The following LINGO3 variants were observed in gnomAD, a reference collection of about 807,000 sequenced individuals.
The protein encoded by LINGO3 is leucine rich repeat and Ig domain containing 3, also known as leucine-rich repeat and immunoglobulin-like domain-containing nogo receptor-interacting protein 3.
For synonymous variants in LINGO3, 427 were observed against 444.2 expected, an observed-to-expected ratio of 0.96 and a Z score of 0.49; for missense variants, 750 against 867.7, an observed-to-expected ratio of 0.86 and a Z score of 1.70.
downstream of LINGO3, among the ~76,000 whole-genome samples, chr19:2,289,447 GGT>G (rs2025495662): frequency 6.6e-6 from 1 of 151,998 alleles, no homozygotes; most frequent in African/African-American, 2.4e-5. Context: ...TTGGGTTCCA[GGT>G]GTGAGTGTGT....
chr19:2,304,202 G>T, the LINGO3 span, among the ~76,000 whole-genome samples: 3 of 152,164 alleles, frequency 2.0e-5, no homozygotes, highest in Admixed American at 1.3e-4. Context: ...TGTGTGCCAG[G>T]CACTGGTTTT....
chr19:2,288,637 A>C (rs2025487160), downstream of LINGO3, among the ~76,000 whole-genome samples: 1 of 152,080 alleles, frequency 6.6e-6, no homozygotes, highest in Non-Finnish European at 1.5e-5. This position sits in a 1 kb window ranked among gnomAD's most constrained non-coding sequence, Gnocchi z 6.5. Context: ...GGCTGGGGTG[A>C]TGGCTCCTTC....
the LINGO3 span, among the ~76,000 whole-genome samples, chr19:2,308,059 C>G: frequency 1.3e-5 from 2 of 150,352 alleles, no homozygotes; most frequent in Admixed American, 6.6e-5. Flanking sequence ...ACGCCGGGCC[C>G]CGGCACGGCC....
chr19:2,289,909 G>T, exon 1 of LINGO3: 1 of 1,120,132 alleles, frequency 8.9e-7, no homozygotes, highest in Non-Finnish European at 1.2e-6. Flanking sequence ...CCGTGCAGCC[G>T]TCCCCTTCCC....
the LINGO3 span, among the ~76,000 whole-genome samples, chr19:2,303,097 C>T: frequency 6.6e-6 from 1 of 152,210 alleles, no homozygotes. Context: ...CCATCACCCC[C>T]AAAAGGAAGC....
At chr19:2,291,755 G>T in exon 1 of LINGO3, 1 of 1,377,274 alleles carries the variant, frequency 7.3e-7, no homozygotes, top group South Asian at 1.6e-5. Context: ...GGCAGGCTCA[G>T]GACGCACAGC....
At chr19:2,291,402 C>T in exon 1 of LINGO3, 2 of 1,613,546 alleles carry the variant, frequency 1.2e-6, no homozygotes, top group Non-Finnish European at 1.7e-6. Context: ...TGAGGTTGTC[C>T]AGGCGCGTGA....
At chr19:2,308,123 G>C in the LINGO3 span, among the ~76,000 whole-genome samples, 1 of 140,010 alleles carries the variant, frequency 7.1e-6, no homozygotes, top group African/African-American at 2.7e-5. Flanking sequence ...CGCGGGGGCC[G>C]CCCGGAGCCG....
chr19:2,298,223 AATTT>A, the LINGO3 span, among the ~76,000 whole-genome samples: 4 of 151,468 alleles, frequency 2.6e-5, no homozygotes, highest in East Asian at 3.9e-4. Flanking sequence ...TTTAAGTTGG[AATTT>A]ATTTATTTAT....
chr19:2,293,374 T>G (rs1416909927), upstream of LINGO3, among the ~76,000 whole-genome samples: 2 of 142,690 alleles, frequency 1.4e-5, no homozygotes, highest in Non-Finnish European at 3.1e-5. Flanking sequence ...TTTTTTTTTT[T>G]TTGGAGACAG....
the LINGO3 span, among the ~76,000 whole-genome samples, chr19:2,305,736 C>T: frequency 6.6e-6 from 1 of 152,194 alleles, no homozygotes; most frequent in African/African-American, 2.4e-5. Flanking sequence ...CATCTCCCTC[C>T]CTCTGCCCCC....
the LINGO3 span, among the ~76,000 whole-genome samples, chr19:2,306,612 C>T: frequency 6.6e-6 from 1 of 152,330 alleles, no homozygotes; most frequent in Non-Finnish European, 1.5e-5. Flanking sequence ...TTTATGGTGG[C>T]ACCACACTGC....
exon 1 of LINGO3, chr19:2,291,153 C>G (rs1309682131): frequency 1.4e-5 from 22 of 1,606,936 alleles, no homozygotes; most frequent in Non-Finnish European, 1.8e-5. Flanking sequence ...AGGCGATGGC[C>G]AGGTGGCGCA....
At chr19:2,307,444 G>A in the LINGO3 span, among the ~76,000 whole-genome samples, 5 of 152,162 alleles carry the variant, frequency 3.3e-5, no homozygotes, top group East Asian at 7.7e-4. Flanking sequence ...GGCCTCCCCT[G>A]GCCAGGCCCC....
chr19:2,297,301 C>CA, the LINGO3 span, among the ~76,000 whole-genome samples: 2 of 143,742 alleles, frequency 1.4e-5, no homozygotes, highest in Non-Finnish European at 1.5e-5. Context: ...CCTCCCTCCC[C>CA]CCCTTTTTTT....
chr19:2,293,865 C>T (rs1386112258), upstream of LINGO3, among the ~76,000 whole-genome samples: 2 of 151,788 alleles, frequency 1.3e-5, no homozygotes, highest in African/African-American at 2.4e-5. Context: ...CCAGCCTGGG[C>T]AACATGGGGA....
the LINGO3 span, among the ~76,000 whole-genome samples, chr19:2,299,394 GT>G: frequency 1.3e-5 from 2 of 152,088 alleles, no homozygotes; most frequent in Non-Finnish European, 2.9e-5. Context: ...AATGCATCCG[GT>G]TGTCCTCCCT....
chr19:2,290,579 C>A lies in LINGO3; in HGVS notation c.1198G>T (p.Glu400Ter), dbSNP rs1470502727. Residue 400 changes from glutamate to a stop codon, truncating the protein, a stop_gained, in exon 1 of 1, where the codon GAG becomes TAG. Coordinates refer to ENST00000585527, the Ensembl canonical transcript of LINGO3. LOFTEE classifies it low-confidence loss of function (END_TRUNC). This position sits in a 1 kb window ranked among gnomAD's most constrained non-coding sequence, Gnocchi z 6.0. ...TTGGGTTTGCGGCACACGAAGTACT[C>A]GAACAGCACGGAGTCCGGCAGGTTT... is the stretch of plus-strand genomic sequence containing the variant. 1 of 1,572,616 alleles carries A rather than the reference C, an allele frequency of 6.4e-7. No individual in the cohort carries two copies. The highest frequency in any genetic ancestry group is 1.1e-5 in the South Asian group (1 of 87,666).
At position 2,291,695 on chromosome 19, in the gene LINGO3, G is replaced by T. The variant is rs971807173; in HGVS notation, c.82C>A (p.Arg28Ser). 2.2e-6 allele frequency: 3 copies of T among 1,338,426 alleles called. No homozygotes were observed. The African/African-American group carries it at 4.7e-5, about 21-fold the overall frequency. 82.9% of individuals were successfully genotyped at this position (1,338,426 alleles called of 1,614,324 possible). A position where few individuals can be genotyped will look rare whatever the true frequency, so the allele number is the denominator to read the frequency against. ...CGGGTCTGCACGGTGCACTCGCAGCGGGCCGGGCAGCCTCCAGCCGGGGGC... is the reference window on the plus strand; with the variant it reads ...CGGGTCTGCACGGTGCACTCGCAGCTGGCCGGGCAGCCTCCAGCCGGGGGC... The change falls in exon 1 of 1, where the codon CGC becomes AGC. Residue 28 changes from arginine to serine, a missense_variant. Physicochemically the swap from Arg to Ser is moderately radical, Grantham distance 110. Coordinates refer to ENST00000585527, the Ensembl canonical transcript of LINGO3.
Sources: gnomAD v4.1 joint callset for allele counts (sites outside exome capture counted in the v4.1 genomes callset) on GRCh38, gnomAD v4.1.1 for gene constraint, Gnocchi (gnomAD v3.1) non-coding constraint, MANE v1.5 for transcripts, NCBI Gene and HGNC (gene_info 2026-07-23, HGNC 2026-07-21) for gene names.